Variants in LOXL1 observed in about 807,000 individuals in gnomAD.
LOXL1 encodes lysyl oxidase like 1.
A neutral mutation model predicts 62.2 loss-of-function variants in LOXL1; 31 were observed. The ratio of observed to expected loss-of-function variants is 0.50; its 90% CI spans 0.37 to 0.67. The LOEUF (loss-of-function observed/expected upper bound fraction) is 0.67, where lower values mean the gene tolerates loss of function less well. Ranked by LOEUF, LOXL1 falls within the 30% of genes least tolerant of loss-of-function variation. The pLI, the probability that LOXL1 is intolerant of heterozygous loss-of-function variation, is 0.00. For missense variants in LOXL1, 775 were observed against 843.4 expected, an observed-to-expected ratio of 0.92 and a Z score of 1.00; for synonymous variants, 403 against 384.4, an observed-to-expected ratio of 1.05 and a Z score of -0.56.
intron 1 of LOXL1, among the ~76,000 whole-genome samples, chr15:73,937,951 C>A (rs1304503414): frequency 1.3e-5 from 2 of 152,184 alleles, no homozygotes; most frequent in East Asian, 3.9e-4. Flanking sequence ...TTCACTGTAG[C>A]GTGTTTGTGG....
In LOXL1 at chr15:73,949,555, A is replaced by C; in HGVS notation, c.1699A>C (p.Thr567Pro). 1 of 1,613,578 alleles carries C rather than the reference A, an allele frequency of 6.2e-7. No individual in the cohort carries two copies. Among genetic ancestry groups the C allele is most frequent in the Non-Finnish European group, 8.5e-7 (1 of 1,179,492 alleles). The change falls in exon 6 of 7, where the codon ACA becomes CCA. Residue 567 changes from threonine (T) to proline (P), a missense_variant. Transcript: ENST00000261921. ...IHYTGRYVSA[T>P]NCKIVQS The stretch of plus-strand genomic sequence containing the variant: ...CTACACAGGTCGCTACGTTTCTGCA[A>C]CAAACTGCAAAATTGTCCAGTAAGA...
At chr15:73,928,733 C>T (rs55899956) in intron 1 of LOXL1, among the ~76,000 whole-genome samples, 1 of 151,540 alleles carries the variant, frequency 6.6e-6, no homozygotes, top group Non-Finnish European at 1.5e-5. Flanking sequence ...CGGATCCTGT[C>T]TTTATTTGAT....
At chr15:73,929,955 T>G (rs769029123) in intron 1 of LOXL1, among the ~76,000 whole-genome samples, 7 of 152,144 alleles carry the variant, frequency 4.6e-5, no homozygotes, top group Non-Finnish European at 7.4e-5. Flanking sequence ...AGGAAGCCAG[T>G]TGATTGAGAG....
intron 1 of LOXL1, among the ~76,000 whole-genome samples, chr15:73,936,483 C>T (rs1392167831): frequency 2.6e-5 from 4 of 152,232 alleles, no homozygotes; most frequent in Non-Finnish European, 4.4e-5. Context: ...TCTGGCTGCG[C>T]TAGCCAAAAC....
rs1424962378 is a variant in LOXL1 at position 73,927,730 on chromosome 15, C to T, written c.947C>T (p.Pro316Leu). ...GGCTGGTACCCGCCCTACGCCAACC[C>T]GCCGCCCGAGGCGTACGGGCCGCCG... ...RLGWYPPYAN[P>L]PPEAYGPPRA... Residue 316 changes from proline (P) to leucine (L), a missense_variant, in exon 1 of 7, where the codon CCG (proline) becomes CTG (leucine). Coordinates refer to ENST00000261921, the MANE Select transcript of LOXL1 (RefSeq NM_005576.4). The T allele has an allele frequency of 1.4e-6, 2 of 1,463,234 alleles. No individual in the cohort carries two copies. The highest frequency in any genetic ancestry group is 5.1e-5 in the Admixed American group (2 of 39,536). The allele number at this position is 1,463,234 out of a possible 1,614,324, so 90.6% of individuals were successfully genotyped here. A position where few individuals can be genotyped will look rare whatever the true frequency, so the allele number is the denominator to read the frequency against.
intron 2 of LOXL1, among the ~76,000 whole-genome samples, chr15:73,944,743 C>T (rs1530167): frequency 0.027 from 4,080 of 152,302 alleles, 168 homozygotes; most frequent in African/African-American, 0.092. Context: ...TGGTTTCCCA[C>T]GGTGTGCTGA....
At position 73,951,851 on chromosome 15, in the gene LOXL1, C is replaced by T. The variant is rs372501780; in HGVS notation, c.*14C>T. ...CTCAGATCCTGATCTCCGGGAGGGA[C>T]AGATGGCCAATCTCTCCCCTTCCAA... On this transcript the variant is annotated 3_prime_UTR_variant, in exon 7 of 7. Transcript: ENST00000261921. 3 of 1,540,626 alleles carry T rather than the reference C, an allele frequency of 1.9e-6. No individual in the cohort carries two copies. In the African/African-American group the frequency reaches 4.2e-5, roughly 21 times the overall value.
intron 1 of LOXL1, among the ~76,000 whole-genome samples, chr15:73,928,601 C>A (rs1470572253): frequency 1.5e-4 from 16 of 105,026 alleles, no homozygotes; most frequent in South Asian, 5.9e-4. Flanking sequence ...AAAATTAATG[C>A]AAAAAAAAAA....
intron 1 of LOXL1, among the ~76,000 whole-genome samples, chr15:73,941,525 C>T (rs540572527): frequency 6.0e-4 from 92 of 152,308 alleles, no homozygotes; most frequent in African/African-American, 2.1e-3. Context: ...GGAAATCCCT[C>T]CATGGGACTC....
chr15:73,935,934 GGTGTGTGTGT>G lies in LOXL1; in HGVS notation c.1103-6889_1103-6880del, dbSNP rs3056338. On this transcript the variant is annotated intron_variant, in intron 1 of 6. Coordinates refer to ENST00000261921, the MANE Select transcript of LOXL1 (RefSeq NM_005576.4). ...TGTGTGCCTCTGCATAGGTAGAGCT[GGTGTGTGTGT>G]GTGTGTGTGTGTGTGTGTGTGTGTG... Among the ~76,000 whole-genome samples the G allele has an allele frequency of 4.2e-3, 554 of 131,934 alleles. 2 individuals are homozygous for G. Among genetic ancestry groups the G allele is most frequent in the African/African-American group, 0.014 (493 of 34,610 alleles). 86.6% of individuals were successfully genotyped at this position (131,934 alleles called of 152,430 possible).
chr15:73,942,548 C>G (rs2068721323), intron 1 of LOXL1, among the ~76,000 whole-genome samples: 2 of 152,046 alleles, frequency 1.3e-5, no homozygotes, highest in South Asian at 4.2e-4. Context: ...CGTGGACACC[C>G]TTTCCCGCTC....
chr15:73,928,035 C>A, intron 1 of LOXL1, 150 bp downstream of exon 1: 1 of 629,216 alleles, frequency 1.6e-6, no homozygotes, highest in Non-Finnish European at 2.3e-6. Flanking sequence ...TTCCCCCGAC[C>A]CAGCCAACAG....
chr15:73,932,574 T>C (rs1282207446), intron 1 of LOXL1, among the ~76,000 whole-genome samples: 1 of 152,124 alleles, frequency 6.6e-6, no homozygotes, highest in East Asian at 1.9e-4. Context: ...CAGTGTGGGG[T>C]TAGGGTGTAG....
chr15:73,949,413 C>A (rs201921161), intron 5 of LOXL1, 46 bp from the exon 6 acceptor site: 94 of 1,118,872 alleles, frequency 8.4e-5, no homozygotes, highest in Middle Eastern at 3.9e-4. Context: ...TGAGGTGCAG[C>A]CCCCCTGACT....
rs1326357588 is a variant in LOXL1, at chr15:73,947,659, A to G, written c.1507-148A>G. The G allele has an allele frequency of 1.5e-5, 9 of 588,426 alleles. No individual in the cohort carries two copies. In the Admixed American group the frequency reaches 2.7e-4, roughly 18 times the overall value. 36.5% of individuals were successfully genotyped at this position (588,426 alleles called of 1,614,324 possible). ...GGTCCATCTAGCCAGTGGCTTTAGG[A>G]AGGTGTGGACCCACCCTGAGCAGTT... On this transcript the variant is annotated intron_variant, in intron 4 of 6. Coordinates refer to ENST00000261921, the MANE Select transcript of LOXL1 (RefSeq NM_005576.4).
At chr15:73,942,211 A>G (rs972103164) in intron 1 of LOXL1, among the ~76,000 whole-genome samples, 6 of 152,086 alleles carry the variant, frequency 3.9e-5, no homozygotes, top group African/African-American at 4.8e-5. Context: ...CTGGGTGCCC[A>G]GGCTGAGAAT....
At position 73,951,990 on chromosome 15, in the gene LOXL1, C is replaced by T; in HGVS notation, c.*153C>T. The T allele has an allele frequency of 1.9e-6, 1 of 513,994 alleles. No individual in the cohort carries two copies. The allele number at this position is 513,994 out of a possible 1,614,324, so 31.8% of individuals were successfully genotyped here. On this transcript the variant is annotated 3_prime_UTR_variant, in exon 7 of 7. Transcript: ENST00000261921. The stretch of plus-strand genomic sequence containing the variant: ...AGGGAGCGAACGTGGATGAAAACCA[C>T]AGGGATTCCGGACGCCAGACCCCAT...
Position 73,927,208 on chromosome 15 carries a change from C to A in LOXL1, c.425C>A (p.Ala142Asp). Residue 142 changes from alanine to aspartate, a missense_variant, in exon 1 of 7, where the codon GCC becomes GAC. Coordinates refer to ENST00000261921, the MANE Select transcript of LOXL1 (RefSeq NM_005576.4). The part of the protein sequence containing the change: ...AVGDSTGMAR[A>D]RTSVSQQRHG... ...GGGGACAGCACGGGCATGGCCCGGG[C>A]CCGCACCTCCGTCTCCCAGCAACGG... 6.3e-7 allele frequency: 1 copy of A among 1,593,370 alleles called. No individual in the cohort carries two copies. The highest frequency in any genetic ancestry group is 8.5e-7 in the Non-Finnish European group (1 of 1,175,402).
At chr15:73,939,296 G>T (rs1202053221) in intron 1 of LOXL1, among the ~76,000 whole-genome samples, 1 of 152,150 alleles carries the variant, frequency 6.6e-6, no homozygotes, top group Admixed American at 6.5e-5. Flanking sequence ...ATGGGAGGGG[G>T]TCTGCTATTC....
Sources: allele counts gnomAD v4.1 joint callset (sites outside exome capture counted in the v4.1 genomes callset), GRCh38; gene constraint gnomAD v4.1.1; transcripts MANE v1.5; gene names NCBI Gene and HGNC (gene_info 2026-07-23, HGNC 2026-07-21).